CNGB3: variants seen among roughly 807,000 people sequenced by gnomAD.
CNGB3 encodes the protein cyclic nucleotide gated channel subunit beta 3.
In CNGB3, 86 loss-of-function variants were observed where a neutral mutation model predicts 92.8. The ratio of observed to expected loss-of-function variants is 0.93; its 90% CI spans 0.78 to 1.11. CNGB3 has a LOEUF of 1.11. Ranked by LOEUF, CNGB3 falls within the 50% of genes least tolerant of loss-of-function variation. CNGB3 has a pLI of 0.00. For synonymous variants in CNGB3, 333 were observed against 332.7 expected (o/e 1.00, Z -0.01); for missense variants, 1,026 against 956.8 (o/e 1.07, Z -0.95).
chr8:86,610,713 A>C (rs1314458695), intron 14 of CNGB3, among the ~76,000 whole-genome samples: 1 of 152,054 alleles, frequency 6.6e-6, no homozygotes, highest in African/African-American at 2.4e-5. Context: ...TTAAATTTTG[A>C]TTATTGAGTT....
At chr8:86,612,718 G>A (rs1822545335) in intron 13 of CNGB3, among the ~76,000 whole-genome samples, 1 of 152,202 alleles carries the variant, frequency 6.6e-6, no homozygotes, top group South Asian at 2.1e-4. Context: ...CCATTGGTGA[G>A]AAGCATTCAG....
chr8:86,702,017 T>C (rs1235979488), intron 3 of CNGB3, among the ~76,000 whole-genome samples: 1 of 152,234 alleles, frequency 6.6e-6, no homozygotes, highest in Admixed American at 6.5e-5. Context: ...TTGAGATTAG[T>C]TGATATGGAC....
intron 3 of CNGB3, among the ~76,000 whole-genome samples, chr8:86,682,120 C>G (rs936979168): frequency 3.3e-5 from 5 of 152,228 alleles, no homozygotes; most frequent in African/African-American, 9.6e-5. Flanking sequence ...GGCCTTGAGG[C>G]TAAAGTAGAT....
At chr8:86,689,386 C>T (rs998552764) in intron 3 of CNGB3, among the ~76,000 whole-genome samples, 5 of 151,498 alleles carry the variant, frequency 3.3e-5, no homozygotes, top group African/African-American at 9.7e-5. Context: ...GTTGAGGTCT[C>T]CAGGTATTAC....
At chr8:86,644,782 A>G (rs1441751041) in intron 8 of CNGB3, 96 bp from the exon 9 acceptor site, 3 of 858,352 alleles carry the variant, frequency 3.5e-6, no homozygotes, top group South Asian at 7.5e-5. Context: ...ACTGAAAATA[A>G]TTTCATTCAT....
chr8:86,610,448 A>T (rs567783921), intron 14 of CNGB3, among the ~76,000 whole-genome samples: 1 of 147,652 alleles, frequency 6.8e-6, no homozygotes, highest in South Asian at 2.1e-4. Flanking sequence ...CAGAACACCT[A>T]TTTCCTCTTT....
intron 10 of CNGB3, 81 bp from the exon 11 acceptor site, chr8:86,632,974 T>A: frequency 7.8e-7 from 1 of 1,278,736 alleles, no homozygotes; most frequent in Non-Finnish European, 1.1e-6. Flanking sequence ...ATAGTACTAT[T>A]AAATTATAAC....
intron 6 of CNGB3, chr8:86,661,669 C>G (rs1044549563): frequency 2.1e-6 from 2 of 930,590 alleles, no homozygotes; most frequent in African/African-American, 3.3e-5. Flanking sequence ...CTCCAGCCAT[C>G]TCTTCTTCCT....
intron 6 of CNGB3, 71 bp from the exon 7 acceptor site, chr8:86,654,133 A>G (rs1418928789): frequency 5.9e-6 from 6 of 1,018,324 alleles, no homozygotes; most frequent in South Asian, 3.9e-5. Flanking sequence ...TTTTAAATTT[A>G]TAACTGTTTC....
intron 3 of CNGB3, among the ~76,000 whole-genome samples, chr8:86,672,531 A>G (rs943041909): frequency 4.6e-5 from 7 of 152,046 alleles, no homozygotes; most frequent in African/African-American, 9.7e-5. Context: ...CTTCCTTCCA[A>G]TGTCTGACAT....
intron 15 of CNGB3, among the ~76,000 whole-genome samples, chr8:86,589,768 C>T (rs1821985092): frequency 6.6e-6 from 1 of 151,548 alleles, no homozygotes; most frequent in Admixed American, 6.6e-5. Flanking sequence ...AGTATGTGGT[C>T]AATTTTGGAA....
chr8:86,663,776 C>A (rs1243414508), intron 6 of CNGB3, among the ~76,000 whole-genome samples: 1 of 152,092 alleles, frequency 6.6e-6, no homozygotes, highest in Non-Finnish European at 1.5e-5. Flanking sequence ...TTAAAGAAAC[C>A]ATTAAACTTC....
intron 13 of CNGB3, among the ~76,000 whole-genome samples, chr8:86,621,932 A>G (rs1438529788): frequency 2.0e-5 from 3 of 152,094 alleles, no homozygotes; most frequent in African/African-American, 4.8e-5. Flanking sequence ...GCATGGTGGC[A>G]CTACTCAGGA....
chr8:86,647,592 A>G (rs1366852290), intron 8 of CNGB3, among the ~76,000 whole-genome samples: 1 of 151,054 alleles, frequency 6.6e-6, no homozygotes, highest in Non-Finnish European at 1.5e-5. Context: ...AATAAAAACC[A>G]GGAGCAACTT....
At chr8:86,579,278 G>A (rs1000579854) in intron 15 of CNGB3, 26 bp from the exon 16 acceptor site, 50 of 1,612,610 alleles carry the variant, frequency 3.1e-5, no homozygotes, top group Non-Finnish European at 4.0e-5. Context: ...ATGAGTCTTT[G>A]CCACCAGTTT....
intron 8 of CNGB3, 71 bp downstream of exon 8, chr8:86,647,730 A>G: frequency 1.1e-6 from 1 of 888,036 alleles, no homozygotes; most frequent in South Asian, 1.3e-5. Flanking sequence ...AATTGTTTCA[A>G]GATTTCCATT....
At chr8:86,620,160 G>T (rs1359429678) in intron 13 of CNGB3, among the ~76,000 whole-genome samples, 1 of 152,196 alleles carries the variant, frequency 6.6e-6, no homozygotes, top group African/African-American at 2.4e-5. Flanking sequence ...CCAATGCTTA[G>T]AGCTCAATGA....
intron 10 of CNGB3, among the ~76,000 whole-genome samples, chr8:86,634,684 G>A (rs917466192): frequency 3.3e-5 from 5 of 151,502 alleles, no homozygotes; most frequent in Non-Finnish European, 7.4e-5. Flanking sequence ...ACACAGAAAA[G>A]GAGTACTTTT....
intron 13 of CNGB3, among the ~76,000 whole-genome samples, chr8:86,622,545 TC>T (rs1471374588): frequency 1.3e-5 from 2 of 152,168 alleles, no homozygotes; most frequent in Non-Finnish European, 2.9e-5. Flanking sequence ...TTCTTCCTAA[TC>T]AATCTCCTCA....
Sources: allele counts gnomAD v4.1 joint callset (sites outside exome capture counted in the v4.1 genomes callset), GRCh38; gene constraint gnomAD v4.1.1; transcripts MANE v1.5; gene names NCBI Gene and HGNC (gene_info 2026-07-23, HGNC 2026-07-21).